NEK8: variants seen among roughly 807,000 people sequenced by gnomAD.
NEK8 encodes the protein serine/threonine-protein kinase Nek8.
Under a neutral mutation model 77.2 loss-of-function variants are expected in NEK8, and 51 were observed. The observed-to-expected ratio is 0.66, with a 90% CI of 0.53 to 0.83. The LOEUF is 0.83. Ranked by LOEUF, NEK8 falls within the 40% of genes least tolerant of loss-of-function variation. The probability of loss-of-function intolerance (pLI) is 0.00; values close to 1 mark genes in which losing one functional copy is unlikely to be tolerated. For synonymous variants in NEK8, 365 were observed against 363.2 expected (o/e 1.00, Z -0.06); for missense variants, 787 against 909.2 (o/e 0.87, Z 1.73).
intron 4 of NEK8, 70 bp downstream of exon 4, chr17:28,735,441 C>G: frequency 6.5e-7 from 1 of 1,543,816 alleles, no homozygotes; most frequent in South Asian, 1.2e-5. Context: ...TTGGCTCAAG[C>G]CACCTCAGGT....
Position 28,740,236 on chromosome 17 carries a change from A to G in NEK8, c.1418-227A>G, listed in dbSNP as rs1254331166. Among the ~76,000 whole-genome samples the G allele has an allele frequency of 3.9e-5, 6 of 152,174 alleles. No homozygotes were observed. The highest frequency in any genetic ancestry group is 7.3e-5 in the Non-Finnish European group (5 of 68,036). On this transcript the variant is annotated intron_variant, in intron 10 of 14. Transcript: ENST00000268766. This position sits in a 1 kb window ranked among gnomAD's most constrained non-coding sequence, Gnocchi z 4.7. The stretch of plus-strand genomic sequence containing the variant: ...GAGGCAGAGGTTGCAGTGAGTGAAG[A>G]TCATACCCTTGTACTCCAGCCTTGG...
In NEK8 at chr17:28,735,221, C is replaced by A. The variant is rs776247740; in HGVS notation, c.487-19C>A. 52 of 1,613,820 alleles carry A rather than the reference C, an allele frequency of 3.2e-5. No individual in the cohort carries two copies. The highest frequency in any genetic ancestry group is 4.4e-5 in the Non-Finnish European group (52 of 1,179,934). On this transcript the variant is annotated intron_variant, in intron 3 of 14. Coordinates refer to ENST00000268766, the MANE Select transcript of NEK8 (RefSeq NM_178170.3). ...TCTTCCCTCCCTGCAGGGCTGTGAT[C>A]CCAGCTTCTATCCTGCAGGTGGTGG...
Position 28,737,237 on chromosome 17 carries a change from G to T in NEK8, c.619-69G>T, listed in dbSNP as rs2034373500. 4.0e-6 allele frequency: 6 copies of T among 1,492,568 alleles called. 1 individual carries two copies. The highest frequency in any genetic ancestry group is 1.7e-4 in the Middle Eastern group (1 of 5,906). 92.5% of individuals were successfully genotyped at this position (1,492,568 alleles called of 1,614,324 possible). On this transcript the variant is annotated intron_variant, in intron 4 of 14. Coordinates refer to ENST00000268766, the MANE Select transcript of NEK8 (RefSeq NM_178170.3). This position sits in a 1 kb window ranked among gnomAD's most constrained non-coding sequence, Gnocchi z 4.8. ...CCAGGCAAAGCTGTTATTATCCCAGGAGACCAGGGGCTGGAGCTGGGGGGT... is the reference window on the plus strand; with the variant it reads ...CCAGGCAAAGCTGTTATTATCCCAGTAGACCAGGGGCTGGAGCTGGGGGGT...
chr17:28,737,220 A>C lies in NEK8; in HGVS notation c.619-86A>C. 1.4e-6 allele frequency: 2 copies of C among 1,402,006 alleles called. No individual in the cohort carries two copies. The highest frequency in any genetic ancestry group is 2.0e-6 in the Non-Finnish European group (2 of 1,019,706). 86.8% of individuals were successfully genotyped at this position (1,402,006 alleles called of 1,614,324 possible). A position where few individuals can be genotyped will look rare whatever the true frequency, so the allele number is the denominator to read the frequency against. On this transcript the variant is annotated intron_variant, in intron 4 of 14. Coordinates refer to ENST00000268766, the MANE Select transcript of NEK8 (RefSeq NM_178170.3). The surrounding 1 kb of genome is among the most constrained non-coding windows in gnomAD (Gnocchi z 4.8). Reference sequence around the variant, plus strand: ...CAGGTAGCATGATGCCTCCAGGCAAAGCTGTTATTATCCCAGGAGACCAGG... The same window carrying C: ...CAGGTAGCATGATGCCTCCAGGCAACGCTGTTATTATCCCAGGAGACCAGG...
rs998130840 is a variant in NEK8 at position 28,737,385 on chromosome 17, A to T, written c.698A>T (p.Gln233Leu). ...ISDRYSPELR[Q>L]LVLSLLSLEP... ...GACCGGTACAGCCCTGAGCTTCGCC[A>T]GCTGGTCCTGAGTCTACTCAGCCTG... Residue 233 changes from glutamine (Q) to leucine (L), a missense_variant, in exon 5 of 15, where the codon CAG (glutamine) becomes CTG (leucine). Coordinates refer to ENST00000268766, the MANE Select transcript of NEK8 (RefSeq NM_178170.3). This position sits in a 1 kb window ranked among gnomAD's most constrained non-coding sequence, Gnocchi z 4.8. 6.2e-6 allele frequency: 10 copies of T among 1,613,870 alleles called. No individual in the cohort carries two copies. Among genetic ancestry groups the T allele is most frequent in the Non-Finnish European group, 8.5e-6 (10 of 1,180,032 alleles).
At position 28,742,312 on chromosome 17, in the gene NEK8, A is replaced by T. The variant is rs1023093118; in HGVS notation, c.*325A>T. 1 of 467,424 alleles carries T rather than the reference A, an allele frequency of 2.1e-6. No individual in the cohort carries two copies. The highest frequency in any genetic ancestry group is 3.4e-5 in the Admixed American group (1 of 29,848). 29.0% of individuals were successfully genotyped at this position (467,424 alleles called of 1,614,324 possible). ...GCCTTGCCATAAAAAGGCTGAAGGC[A>T]GCCGGGCGCAGTGGCTCACGCCTGT... On this transcript the variant is annotated 3_prime_UTR_variant, in exon 15 of 15. Transcript: ENST00000268766.
rs553762835 is a variant in NEK8 at position 28,738,851 on chromosome 17, C to T, written c.1299+104C>T. 7 of 971,566 alleles carry T rather than the reference C, an allele frequency of 7.2e-6. No homozygotes were observed. The East Asian group carries it at 1.7e-4, about 24-fold the overall frequency. 60.2% of individuals were successfully genotyped at this position (971,566 alleles called of 1,614,324 possible). On this transcript the variant is annotated intron_variant, in intron 9 of 14. Coordinates refer to ENST00000268766, the MANE Select transcript of NEK8 (RefSeq NM_178170.3). ...GGGGCAGGGGAGTTCCCAGCAACCACAGGTTCCTCTAGCTTCCCAGCTGCA... is the reference window on the plus strand; with the variant it reads ...GGGGCAGGGGAGTTCCCAGCAACCATAGGTTCCTCTAGCTTCCCAGCTGCA...
At position 28,741,829 on chromosome 17, in the gene NEK8, T is replaced by A. The variant is rs920274366; in HGVS notation, c.2051-130T>A. On this transcript the variant is annotated intron_variant, in intron 14 of 14. Transcript: ENST00000268766. The surrounding 1 kb of genome is among the most constrained non-coding windows in gnomAD (Gnocchi z 4.5). The stretch of plus-strand genomic sequence containing the variant: ...TCTTTCTCCTACTGCTGAGTCCCGT[T>A]GATGCTGAAACTCTCTTTCTGGCCT... The A allele has an allele frequency of 2.6e-5, 27 of 1,047,600 alleles. No individual in the cohort carries two copies. Among genetic ancestry groups the A allele is most frequent in the Non-Finnish European group, 3.3e-5 (22 of 668,902 alleles). The allele number at this position is 1,047,600 out of a possible 1,614,324, so 64.9% of individuals were successfully genotyped here. A position where few individuals can be genotyped will look rare whatever the true frequency, so the allele number is the denominator to read the frequency against.
chr17:28,729,396 C>T (rs921181809), intron 1 of NEK8, among the ~76,000 whole-genome samples: 5 of 152,180 alleles, frequency 3.3e-5, no homozygotes, highest in Non-Finnish European at 7.3e-5. Context: ...CCCTCTGTCA[C>T]CCCGGCTGGA....
At position 28,734,831 on chromosome 17, in the gene NEK8, A is replaced by C. The variant is rs761787363; in HGVS notation, c.313A>C (p.Ile105Leu). 1.2e-6 allele frequency: 2 copies of C among 1,613,796 alleles called. No homozygotes were observed. The highest frequency in any genetic ancestry group is 2.7e-5 in the African/African-American group (2 of 74,920). ...RCNSLLEEETILHFFVQILLA... is the reference protein window; with the variant it reads ...RCNSLLEEETLLHFFVQILLA... ...TAATTCCCTGCTGGAGGAGGAGACC[A>C]TCCTGCACTTCTTCGTGCAGATCCT... Residue 105 changes from isoleucine to leucine, a missense_variant, in exon 3 of 15, where the codon ATC (isoleucine) becomes CTC (leucine). Around this residue, in one of 2 missense-constraint regions of NEK8, gnomAD observed 271 missense variants for 365.1 expected, o/e 0.74. Coordinates refer to ENST00000268766, the MANE Select transcript of NEK8 (RefSeq NM_178170.3).
chr17:28,732,023 C>T (rs2034313096), intron 1 of NEK8, among the ~76,000 whole-genome samples: 1 of 143,942 alleles, frequency 6.9e-6, no homozygotes, highest in African/African-American at 2.6e-5. Flanking sequence ...CTCCGCCTCA[C>T]GGGTTCACGC....
chr17:28,739,947 A>T (rs1287182812), intron 10 of NEK8, among the ~76,000 whole-genome samples: 1 of 152,126 alleles, frequency 6.6e-6, no homozygotes, highest in Non-Finnish European at 1.5e-5. Context: ...GTGAACAGTA[A>T]TGTCAACTGG....
chr17:28,733,765 C>T (rs2034332944), intron 1 of NEK8, among the ~76,000 whole-genome samples: 1 of 152,224 alleles, frequency 6.6e-6, no homozygotes, highest in Admixed American at 6.5e-5. Flanking sequence ...GAGATCAAGA[C>T]TAACTTTACC....
At chr17:28,738,299 T>A (rs1259572192) in intron 8 of NEK8, 54 bp downstream of exon 8, 2 of 1,599,920 alleles carry the variant, frequency 1.3e-6, no homozygotes, top group Non-Finnish European at 1.7e-6. Context: ...ACAGAGCACC[T>A]TCTCTCTTCT....
intron 2 of NEK8, 26 bp from the exon 3 acceptor site, chr17:28,734,746 A>G: frequency 1.3e-6 from 2 of 1,539,458 alleles, no homozygotes; most frequent in South Asian, 1.1e-5. Context: ...GAAAGCCTGG[A>G]TCTTGATTAG....
chr17:28,733,143 G>C (rs1214196995), intron 1 of NEK8, among the ~76,000 whole-genome samples: 1 of 150,832 alleles, frequency 6.6e-6, no homozygotes, highest in East Asian at 2.0e-4. Context: ...GCCTCCCAAA[G>C]TGCTGAGATC....
Position 28,733,965 on chromosome 17 carries a change from T to C in NEK8, c.48-18T>C. The stretch of plus-strand genomic sequence containing the variant: ...GGAGGCTTAGCTGGTAACCTGTCCC[T>C]GTCCTCCGTATCCCTAGGATTGTGC... On this transcript the variant is annotated intron_variant, in intron 1 of 14. Coordinates refer to ENST00000268766, the MANE Select transcript of NEK8 (RefSeq NM_178170.3). 1.2e-6 allele frequency: 2 copies of C among 1,612,140 alleles called. No individual in the cohort carries two copies. Among genetic ancestry groups the C allele is most frequent in the Non-Finnish European group, 1.7e-6 (2 of 1,178,482 alleles).
At chr17:28,730,135 C>T (rs913935068) in intron 1 of NEK8, among the ~76,000 whole-genome samples, 2 of 152,140 alleles carry the variant, frequency 1.3e-5, no homozygotes, top group South Asian at 2.1e-4. Flanking sequence ...GTTTTTGAGA[C>T]GGAGTCTTGC....
Position 28,737,516 on chromosome 17 carries a change from C to T in NEK8, c.827+2C>T, listed in dbSNP as rs1430742363. The T allele has an allele frequency of 1.2e-6, 2 of 1,613,094 alleles. No homozygotes were observed. The highest frequency in any genetic ancestry group is 2.2e-5 in the East Asian group (1 of 44,874). On this transcript the variant is annotated splice_donor_variant, in intron 5 of 14. Coordinates refer to ENST00000268766, the MANE Select transcript of NEK8 (RefSeq NM_178170.3). LOFTEE classifies it low-confidence loss of function (GC_TO_GT_DONOR). The surrounding 1 kb of genome is among the most constrained non-coding windows in gnomAD (Gnocchi z 4.8). ...CGTGGGCAGTGTCCGCATGCGGAGG[C>T]CTGTGCAGGGACAGCGAGCGGTCCT... is the stretch of plus-strand genomic sequence containing the variant.
Sources: gnomAD v4.1 joint callset for allele counts (sites outside exome capture counted in the v4.1 genomes callset) on GRCh38, gnomAD v4.1.1 for gene constraint, gnomAD v4.1.1 regional missense constraint, Gnocchi (gnomAD v3.1) non-coding constraint, MANE v1.5 for transcripts, NCBI Gene and HGNC (gene_info 2026-07-23, HGNC 2026-07-21) for gene names.